The following SI variants were observed in gnomAD, a reference collection of about 807,000 sequenced individuals.
The protein encoded by SI is sucrase-isomaltase, intestinal.
SI carries 235 observed loss-of-function variants against 253.3 expected under a neutral mutation model. The ratio of observed to expected loss-of-function variants is 0.93; its 90% CI spans 0.83 to 1.03. SI has a LOEUF of 1.03. Ranked by LOEUF, SI falls within the 50% of genes least tolerant of loss-of-function variation. The probability of loss-of-function intolerance (pLI) is 0.00; values close to 1 mark genes in which losing one functional copy is unlikely to be tolerated. For synonymous variants in SI, 819 were observed against 712.0 expected (o/e 1.15, Z -2.39); for missense variants, 2,442 against 2,211.1 (o/e 1.10, Z -2.09).
At position 165,011,650 on chromosome 3, in the gene SI, G is replaced by A. The variant is rs1718772557; in HGVS notation, c.4062+1330C>T. Among the ~76,000 whole-genome samples, 4 of 150,760 alleles carry A rather than the reference G, an allele frequency of 2.7e-5. No individual in the cohort carries two copies. In the South Asian group the frequency reaches 8.5e-4, roughly 32 times the overall value. On this transcript the variant is annotated intron_variant, in intron 34 of 47. Coordinates refer to ENST00000264382, the MANE Select transcript of SI (RefSeq NM_001041.4). ...GCCTACGGTGTTGTTAAAAACTGCT[G>A]TTTCTTTGTTGATTTGCTCTCTGGT...
intron 44 of SI, 136 bp downstream of exon 44, chr3:164,991,217 T>C: frequency 1.1e-6 from 1 of 899,300 alleles, no homozygotes; most frequent in Non-Finnish European, 1.8e-6. Flanking sequence ...GTCTCTGACC[T>C]GGCATTCATG....
chr3:164,996,462 C>A lies in SI; in HGVS notation c.4692+73G>T, dbSNP rs539261372. The A allele has an allele frequency of 6.7e-5, 59 of 883,092 alleles. No individual in the cohort carries two copies. In the African/African-American group the frequency reaches 9.4e-4, roughly 14 times the overall value. 54.7% of individuals were successfully genotyped at this position (883,092 alleles called of 1,614,324 possible). On this transcript the variant is annotated intron_variant, in intron 40 of 47. Coordinates refer to ENST00000264382, the MANE Select transcript of SI (RefSeq NM_001041.4). ...TCAATAAATATACCAGCTAACCAAGCCATGTACACTAAAGTATAATGAAGC... is the reference window on the plus strand; with the variant it reads ...TCAATAAATATACCAGCTAACCAAGACATGTACACTAAAGTATAATGAAGC...
At chr3:164,981,835 G>A (rs1386103674) in intron 47 of SI, among the ~76,000 whole-genome samples, 3 of 152,128 alleles carry the variant, frequency 2.0e-5, no homozygotes, top group Non-Finnish European at 4.4e-5. Context: ...TGTATCATAT[G>A]TATCACACTC....
chr3:164,997,428 G>C (rs1718060308), intron 38 of SI, among the ~76,000 whole-genome samples: 1 of 146,570 alleles, frequency 6.8e-6, no homozygotes, highest in Non-Finnish European at 1.5e-5. Context: ...TTCCAAATTT[G>C]GTTCGAAATG....
At chr3:165,007,097 T>C in intron 36 of SI, 143 bp from the exon 37 acceptor site, 1 of 632,688 alleles carries the variant, frequency 1.6e-6, no homozygotes, top group Non-Finnish European at 2.7e-6. Context: ...TTGTATACTT[T>C]GTATGAGTTA....
At chr3:165,059,801 A>G (rs1713898818) in intron 10 of SI, 101 bp downstream of exon 10, 3 of 1,185,972 alleles carry the variant, frequency 2.5e-6, no homozygotes, top group Non-Finnish European at 3.7e-6. Flanking sequence ...ATTATATGAT[A>G]TAATGTATAT....
intron 35 of SI, among the ~76,000 whole-genome samples, chr3:165,008,201 A>G (rs2108157525): frequency 6.6e-6 from 1 of 152,066 alleles, no homozygotes; most frequent in African/African-American, 2.4e-5. Flanking sequence ...CTTTTGAAAA[A>G]TAAAATGTTT....
chr3:165,064,610 C>G (rs1241042070), intron 7 of SI, among the ~76,000 whole-genome samples: 1 of 151,700 alleles, frequency 6.6e-6, no homozygotes, highest in Non-Finnish European at 1.5e-5. Context: ...TTTTGAGCAA[C>G]AAACATAAAA....
chr3:165,001,582 T>G (rs1192106137), intron 37 of SI, among the ~76,000 whole-genome samples: 1 of 151,518 alleles, frequency 6.6e-6, no homozygotes, highest in African/African-American at 2.4e-5. Context: ...GGAAAGAGTT[T>G]TATAGATTCA....
chr3:164,992,607 C>T (rs1717809838), intron 41 of SI, among the ~76,000 whole-genome samples: 1 of 151,748 alleles, frequency 6.6e-6, no homozygotes, highest in Admixed American at 6.6e-5. Flanking sequence ...TAGACTATGA[C>T]TAAATTTCCG....
chr3:165,061,624 A>G (rs1048617711), intron 9 of SI, among the ~76,000 whole-genome samples: 3 of 152,042 alleles, frequency 2.0e-5, no homozygotes, highest in African/African-American at 7.2e-5. Flanking sequence ...TATTTTTAAA[A>G]TAGGCATAAT....
At chr3:165,033,890 G>A (rs1391343543) in intron 22 of SI, among the ~76,000 whole-genome samples, 1 of 151,052 alleles carries the variant, frequency 6.6e-6, no homozygotes, top group Admixed American at 6.6e-5. Context: ...CAATAAATCT[G>A]GAGACATGTT....
chr3:165,030,765 C>A lies in SI; in HGVS notation c.2839G>T (p.Ala947Ser), dbSNP rs2108202467. Reference protein sequence around the residue: ...ENERFNCYPDADLATEQKCTQ... With the variant: ...ENERFNCYPDSDLATEQKCTQ... Reference sequence around the variant, plus strand: ...CACTTTTGTTCAGTTGCCAAATCTGCATCTGGATAACAATTAAATCTTTCA... The same window carrying A: ...CACTTTTGTTCAGTTGCCAAATCTGAATCTGGATAACAATTAAATCTTTCA... The change falls in exon 25 of 48, where the codon GCA (alanine) becomes TCA (serine). Residue 947 changes from alanine (A) to serine (S), a missense_variant. Coordinates refer to ENST00000264382, the MANE Select transcript of SI (RefSeq NM_001041.4). 1 of 1,607,814 alleles carries A rather than the reference C, an allele frequency of 6.2e-7. No homozygotes were observed. Among genetic ancestry groups the A allele is most frequent in the Non-Finnish European group, 8.5e-7 (1 of 1,176,604 alleles).
chr3:165,014,405 T>C (rs1029950576), intron 33 of SI, among the ~76,000 whole-genome samples: 5 of 151,976 alleles, frequency 3.3e-5, no homozygotes, highest in Admixed American at 6.6e-5. Context: ...CCCGCCACCA[T>C]GCCCTTCTAA....
chr3:165,049,289 T>C, intron 14 of SI, 45 bp from the exon 15 acceptor site: 1 of 1,064,974 alleles, frequency 9.4e-7, no homozygotes, highest in Non-Finnish European at 1.4e-6. Context: ...TTTTCCATTA[T>C]AAAAGTTATA....
chr3:165,028,678 T>TA (rs1712056080), intron 25 of SI, among the ~76,000 whole-genome samples: 1 of 150,840 alleles, frequency 6.6e-6, no homozygotes, highest in African/African-American at 2.4e-5. Flanking sequence ...GACAAAAACA[T>TA]AAAGTGAGGA....
chr3:165,030,329 T>C (rs1437177461), intron 25 of SI, among the ~76,000 whole-genome samples: 1 of 150,850 alleles, frequency 6.6e-6, no homozygotes, highest in African/African-American at 2.4e-5. Flanking sequence ...ACATCATATG[T>C]CTTAATAACT....
chr3:165,044,357 A>T (rs971712628), intron 16 of SI, among the ~76,000 whole-genome samples: 1 of 151,924 alleles, frequency 6.6e-6, no homozygotes, highest in Non-Finnish European at 1.5e-5. Context: ...GTATAATCGG[A>T]ACTGTTTGTA....
At chr3:165,043,426 A>AT (rs1158559305) in intron 16 of SI, among the ~76,000 whole-genome samples, 2 of 151,570 alleles carry the variant, frequency 1.3e-5, no homozygotes, top group African/African-American at 4.8e-5. Flanking sequence ...CATTTTACTC[A>AT]TTTTTTATTT....
Sources: gnomAD v4.1 joint callset for allele counts (sites outside exome capture counted in the v4.1 genomes callset) on GRCh38, gnomAD v4.1.1 for gene constraint, MANE v1.5 for transcripts, NCBI Gene and HGNC (gene_info 2026-07-23, HGNC 2026-07-21) for gene names.